The following PCDHGA8 variants were observed in gnomAD, a reference collection of about 807,000 sequenced individuals.
The protein encoded by PCDHGA8 is protocadherin gamma subfamily A, 8.
A neutral mutation model predicts 59.2 loss-of-function variants in PCDHGA8; 45 were observed. The ratio of observed to expected loss-of-function variants is 0.76; its 90% CI spans 0.60 to 0.98. The LOEUF (loss-of-function observed/expected upper bound fraction) is 0.98, where lower values mean the gene tolerates loss of function less well. Among genes scored for constraint, PCDHGA8 ranks in the 50% least tolerant of loss-of-function variants. The pLI is 0.00. For missense variants in PCDHGA8, 1,257 were observed against 1,196.2 expected (o/e 1.05, Z -0.75); for synonymous variants, 531 against 519.0 (o/e 1.02, Z -0.32).
chr5:141,392,865 G>A lies in PCDHGA8; in HGVS notation c.52G>A (p.Ala18Thr). 6.2e-7 allele frequency: 1 copy of A among 1,613,006 alleles called. No individual in the cohort carries two copies. Among genetic ancestry groups the A allele is most frequent in the Non-Finnish European group, 8.5e-7 (1 of 1,179,652 alleles). Residue 18 changes from alanine (A) to threonine (T), a missense_variant, in exon 1 of 4, where the codon GCG (alanine) becomes ACG (threonine). Ala to Thr is a moderately conservative substitution (Grantham distance 58, BLOSUM62 0). Transcript: ENST00000398604. ...PRRGELILLC[A>T]LLGTLWEIGR... ...ACGCGGCGAGCTGATCCTGCTGTGC[G>A]CGCTGCTGGGAACGCTGTGGGAAAT...
intron 2 of PCDHGA8, among the ~76,000 whole-genome samples, chr5:141,504,341 CTTTGTGCTAGGT>C (rs963088433): frequency 3.9e-5 from 6 of 152,020 alleles, no homozygotes; most frequent in African/African-American, 1.4e-4. Flanking sequence ...AAGTGCTAGG[CTTTGTGCTAGGT>C]GCTTCAGTAG....
At chr5:141,409,908 C>T (rs1255447661) in intron 1 of PCDHGA8, 1 of 1,613,204 alleles carries the variant, frequency 6.2e-7, no homozygotes, top group Non-Finnish European at 8.5e-7. Context: ...GCTCTGGGTC[C>T]TGACGGCTCC....
intron 1 of PCDHGA8, among the ~76,000 whole-genome samples, chr5:141,433,397 A>ATCTATCTG (rs1554126017): frequency 5.3e-5 from 8 of 150,410 alleles, no homozygotes; most frequent in Non-Finnish European, 1.2e-4. Context: ...CTATCTATCT[A>ATCTATCTG]TCTATCTATT....
At chr5:141,413,697 T>G in intron 1 of PCDHGA8, 4 of 1,613,632 alleles carry the variant, frequency 2.5e-6, no homozygotes, top group Non-Finnish European at 3.4e-6. Flanking sequence ...TGCAGAGCTA[T>G]CAGCTCAGCC....
rs2099745754 is a variant in PCDHGA8 at position 141,493,023 on chromosome 5, T to A, written c.2425-1784T>A. Among the ~76,000 whole-genome samples the A allele has an allele frequency of 6.6e-6, 1 of 152,190 alleles. No individual in the cohort carries two copies. The highest frequency in any genetic ancestry group is 2.4e-5 in the African/African-American group (1 of 41,450). On this transcript the variant is annotated intron_variant, in intron 1 of 3. Coordinates refer to ENST00000398604, the MANE Select transcript of PCDHGA8 (RefSeq NM_032088.2). The surrounding 1 kb of genome is among the most constrained non-coding windows in gnomAD (Gnocchi z 4.3). ...CTATAGGCTCTGCCAGATGCCAGGGTGCCCTTATGTGTGAGGAAACTACAA... is the reference window on the plus strand; with the variant it reads ...CTATAGGCTCTGCCAGATGCCAGGGAGCCCTTATGTGTGAGGAAACTACAA...
chr5:141,509,346 G>A (rs946395640), intron 3 of PCDHGA8, among the ~76,000 whole-genome samples: 7 of 152,194 alleles, frequency 4.6e-5, no homozygotes, highest in Non-Finnish European at 8.8e-5. Flanking sequence ...GCCTGGGCTG[G>A]CCTGGGCATC....
intron 1 of PCDHGA8, chr5:141,395,512 A>C: frequency 4.7e-6 from 2 of 421,514 alleles, no homozygotes; most frequent in Non-Finnish European, 8.4e-6. Flanking sequence ...AGAAGTAGCT[A>C]CCCGTCCATA....
At chr5:141,500,475 C>T (rs1193752670) in intron 2 of PCDHGA8, among the ~76,000 whole-genome samples, 1 of 152,024 alleles carries the variant, frequency 6.6e-6, no homozygotes, top group African/African-American at 2.4e-5. Flanking sequence ...TCCCAAAGTG[C>T]TGGGATTACA....
rs143737031 is a variant in PCDHGA8 at position 141,454,359 on chromosome 5, G to C, written c.2425-40448G>C. Among the ~76,000 whole-genome samples, 105 of 152,200 alleles carry C rather than the reference G, an allele frequency of 6.9e-4. No individual in the cohort carries two copies. In the East Asian group the frequency reaches 0.014, roughly 20 times the overall value. ...AATGTTGGAAGTTGATCCAAACTTA[G>C]AAAGGAGTATGGCAACTTGTCAAGA... On this transcript the variant is annotated intron_variant, in intron 1 of 3. Coordinates refer to ENST00000398604, the MANE Select transcript of PCDHGA8 (RefSeq NM_032088.2).
chr5:141,430,108 G>A (rs572634913), intron 1 of PCDHGA8, among the ~76,000 whole-genome samples: 1 of 152,190 alleles, frequency 6.6e-6, no homozygotes, highest in South Asian at 2.1e-4. Context: ...AGCGTTACAT[G>A]TCAACAACCT....
At position 141,431,549 on chromosome 5, in the gene PCDHGA8, G is replaced by A. The variant is rs750427346; in HGVS notation, c.2424+36312G>A. ...GGCCTTGGGCACGCAGCTGCTTGTA[G>A]TCAACGCTACCGACCCTGACGAAGG... On this transcript the variant is annotated intron_variant, in intron 1 of 3. Coordinates refer to ENST00000398604, the MANE Select transcript of PCDHGA8 (RefSeq NM_032088.2). This position sits in a 1 kb window ranked among gnomAD's most constrained non-coding sequence, Gnocchi z 4.8. The A allele has an allele frequency of 6.2e-7, 1 of 1,614,156 alleles. No homozygotes were observed. Among genetic ancestry groups the A allele is most frequent in the South Asian group, 1.1e-5 (1 of 91,090 alleles).
chr5:141,456,327 G>C (rs917430790), intron 1 of PCDHGA8, among the ~76,000 whole-genome samples: 1 of 152,186 alleles, frequency 6.6e-6, no homozygotes, highest in African/African-American at 2.4e-5. Flanking sequence ...TCCTGGGGTT[G>C]ATCTAAGGGT....
At chr5:141,508,824 G>T (rs893436748) in intron 3 of PCDHGA8, among the ~76,000 whole-genome samples, 1 of 151,952 alleles carries the variant, frequency 6.6e-6, no homozygotes, top group Non-Finnish European at 1.5e-5. Context: ...CCAGATCTGG[G>T]CCCCCCTCCC....
intron 1 of PCDHGA8, chr5:141,417,999 TG>T: frequency 6.2e-7 from 1 of 1,613,838 alleles, no homozygotes; most frequent in Non-Finnish European, 8.5e-7. Context: ...GGCTCGGTGG[TG>T]GGGAACCTCG....
At position 141,487,943 on chromosome 5, in the gene PCDHGA8, A is replaced by C. The variant is rs2099669443; in HGVS notation, c.2425-6864A>C. ...TACAGTGCACAGGGTACAGTGCACCAGGCAGTCACTTGGACAAAGGTGGCT... is the reference window on the plus strand; with the variant it reads ...TACAGTGCACAGGGTACAGTGCACCCGGCAGTCACTTGGACAAAGGTGGCT... On this transcript the variant is annotated intron_variant, in intron 1 of 3. Coordinates refer to ENST00000398604, the MANE Select transcript of PCDHGA8 (RefSeq NM_032088.2). The surrounding 1 kb of genome is among the most constrained non-coding windows in gnomAD (Gnocchi z 5.0). Among the ~76,000 whole-genome samples, 1 of 152,220 alleles carries C rather than the reference A, an allele frequency of 6.6e-6. No homozygotes were observed.
Position 141,432,229 on chromosome 5 carries a change from C to T in PCDHGA8, c.2424+36992C>T, listed in dbSNP as rs1246285803. Reference sequence around the variant, plus strand: ...AAGAGAACGCCCAGATCACTTATTCCCTGGCTGAGAACACCATCCAAGGGG... The same window carrying T: ...AAGAGAACGCCCAGATCACTTATTCTCTGGCTGAGAACACCATCCAAGGGG... On this transcript the variant is annotated intron_variant, in intron 1 of 3. Coordinates refer to ENST00000398604, the MANE Select transcript of PCDHGA8 (RefSeq NM_032088.2). The surrounding 1 kb of genome is among the most constrained non-coding windows in gnomAD (Gnocchi z 6.0). The T allele has an allele frequency of 6.2e-7, 1 of 1,614,232 alleles. No homozygotes were observed.
chr5:141,424,880 C>G (rs2096845847), intron 1 of PCDHGA8, among the ~76,000 whole-genome samples: 1 of 152,162 alleles, frequency 6.6e-6, no homozygotes, highest in Admixed American at 6.5e-5. Context: ...GGAAAGGAGA[C>G]TTATCTAGGG....
chr5:141,397,177 A>G (rs1453004001), intron 1 of PCDHGA8, among the ~76,000 whole-genome samples: 1 of 152,250 alleles, frequency 6.6e-6, no homozygotes, highest in Non-Finnish European at 1.5e-5. Flanking sequence ...CTTAAGAATG[A>G]ATTTATGTAC....
intron 1 of PCDHGA8, among the ~76,000 whole-genome samples, chr5:141,444,150 GGATT>G (rs2098419499): frequency 1.8e-5 from 2 of 114,014 alleles, no homozygotes; most frequent in Non-Finnish European, 1.7e-5. Flanking sequence ...TGTGTGTACT[GGATT>G]TTTTTTTTTT....
Sources: gnomAD v4.1 joint callset for allele counts (sites outside exome capture counted in the v4.1 genomes callset) on GRCh38, gnomAD v4.1.1 for gene constraint, Gnocchi (gnomAD v3.1) non-coding constraint, MANE v1.5 for transcripts, NCBI Gene and HGNC (gene_info 2026-07-23, HGNC 2026-07-21) for gene names.